The following SPTBN2 variants were observed in gnomAD, a reference collection of about 807,000 sequenced individuals.
SPTBN2 encodes the protein spectrin beta chain, non-erythrocytic 2.
SPTBN2 carries 107 observed loss-of-function variants against 284.2 expected under a neutral mutation model. The ratio of observed to expected loss-of-function variants is 0.38; its 90% CI spans 0.32 to 0.44. SPTBN2 has a LOEUF of 0.44. Ranked by LOEUF, SPTBN2 falls within the 20% of genes least tolerant of loss-of-function variation. SPTBN2 has a pLI of 1.00. For missense variants in SPTBN2, 2,569 were observed against 3,287.1 expected (o/e 0.78, Z 5.34); for synonymous variants, 1,289 against 1,354.8 (o/e 0.95, Z 1.07).
rs138346945 is a variant in SPTBN2 at position 66,690,263 on chromosome 11, G to A, written c.5586C>T (p.Asp1862=). 36 of 1,610,608 alleles carry A rather than the reference G, an allele frequency of 2.2e-5. No homozygotes were observed. Among genetic ancestry groups the A allele is most frequent in the Middle Eastern group, 1.7e-4 (1 of 5,908 alleles). ...LSPQVQQVQD[D]GHRLQKAYAG... The stretch of plus-strand genomic sequence containing the variant: ...CGTAGGCCTTCTGGAGCCGGTGGCC[G>A]TCGTCCTGCACCTGCTGGACCTGCG... The change falls in exon 28 of 38, where the codon GAC becomes GAT. Residue 1862 remains aspartate (D), a synonymous_variant. Coordinates refer to ENST00000533211, the MANE Select transcript of SPTBN2 (RefSeq NM_006946.4).
chr11:66,704,538 T>C lies in SPTBN2; in HGVS notation c.2678+60A>G. ...TTTATGGAGGGACTCACCACCCACA[T>C]CCTGGCCCCCCCACCCCCACCTCCC... On this transcript the variant is annotated intron_variant, in intron 15 of 37. Coordinates refer to ENST00000533211, the MANE Select transcript of SPTBN2 (RefSeq NM_006946.4). 3 of 1,567,346 alleles carry C rather than the reference T, an allele frequency of 1.9e-6. No homozygotes were observed. The Admixed American group carries it at 5.5e-5, about 29-fold the overall frequency.
In SPTBN2 at chr11:66,682,589, AGTT is replaced by A. The variant is rs1165354594; in HGVS notation, c.*3279_*3281del. ...TCAATATAAAAATTAAGGTATTTAAAGTTGTTGTCCTCTTCCATGCTTCATACC... is the reference window on the plus strand; with the variant it reads ...TCAATATAAAAATTAAGGTATTTAAAGTTGTCCTCTTCCATGCTTCATACC... On this transcript the variant is annotated 3_prime_UTR_variant, in exon 38 of 38. Transcript: ENST00000533211. Among the ~76,000 whole-genome samples the A allele has an allele frequency of 3.3e-5, 5 of 152,158 alleles. No individual in the cohort carries two copies. The highest frequency in any genetic ancestry group is 7.2e-5 in the African/African-American group (3 of 41,410).
In SPTBN2 at chr11:66,687,087, A is replaced by T. The variant is rs767774651; in HGVS notation, c.6803T>A (p.Val2268Glu). 1 of 1,613,890 alleles carries T rather than the reference A, an allele frequency of 6.2e-7. No individual in the cohort carries two copies. ...GACAGGCACTTCTCCGTGGTATGGC[A>T]CTCCCGCGCTGGCTGCCTTGGCATC... ...YKDAKAASAG[V>E]PYHGEVPVSL... The change falls in exon 36 of 38, where the codon GTG becomes GAG. Residue 2268 changes from valine (V) to glutamate (E), a missense_variant. Val to Glu is a moderately radical substitution (Grantham distance 121, BLOSUM62 -2). Transcript: ENST00000533211. The surrounding 1 kb of genome is among the most constrained non-coding windows in gnomAD (Gnocchi z 5.2).
intron 31 of SPTBN2, 34 bp from the exon 32 acceptor site, chr11:66,688,345 G>C: frequency 6.4e-7 from 1 of 1,555,808 alleles, no homozygotes; most frequent in Non-Finnish European, 8.7e-7. Context: ...CGTGTAGAAG[G>C]TTGCGTGTAA....
chr11:66,686,872 T>C, intron 36 of SPTBN2, 122 bp downstream of exon 36: 1 of 1,316,272 alleles, frequency 7.6e-7, no homozygotes, highest in Non-Finnish European at 1.1e-6. Flanking sequence ...CCCAAGTGGC[T>C]GGCCTGGTTA....
In SPTBN2 at chr11:66,689,930, C is replaced by T. The variant is rs1429407555; in HGVS notation, c.5824G>A (p.Ala1942Thr). Residue 1942 changes from alanine to threonine, a missense_variant, in exon 29 of 38, where the codon GCG becomes ACG. Around this residue, in one of 6 missense-constraint regions of SPTBN2, gnomAD observed 1,130 missense variants for 1,317.3 expected, o/e 0.86. Coordinates refer to ENST00000533211, the MANE Select transcript of SPTBN2 (RefSeq NM_006946.4). Reference protein sequence around the residue: ...AQERPRDVSSADLVIKNQQGI... With the variant: ...AQERPRDVSSTDLVIKNQQGI... ...TGCTGGTTCTTGATGACTAGATCCG[C>T]GGAGGACACATCCCTGGGGGGAGGC... The T allele has an allele frequency of 5.6e-6, 9 of 1,613,946 alleles. No homozygotes were observed. Among genetic ancestry groups the T allele is most frequent in the East Asian group, 4.5e-5 (2 of 44,880 alleles).
intron 1 of SPTBN2, among the ~76,000 whole-genome samples, chr11:66,726,275 A>T (rs1942619412): frequency 6.6e-6 from 1 of 152,246 alleles, no homozygotes; most frequent in Non-Finnish European, 1.5e-5. Flanking sequence ...GGTTGAGCTC[A>T]ACAGCTCAGG....
Position 66,721,249 on chromosome 11 carries a change from G to A in SPTBN2, c.-9C>T, listed in dbSNP as rs760023817. On this transcript the variant is annotated 5_prime_UTR_variant, in exon 3 of 38. Transcript: ENST00000533211. ...GACAGCGTGCTGCTCATGGTGGTAG[G>A]CGGCTTCCTGCTCCTGCAAGGAGAA... The A allele has an allele frequency of 6.2e-7, 1 of 1,614,132 alleles. No individual in the cohort carries two copies. The highest frequency in any genetic ancestry group is 1.1e-5 in the South Asian group (1 of 91,086).
Position 66,708,311 on chromosome 11 carries a change from G to C in SPTBN2, c.1192-12C>G, listed in dbSNP as rs774965267. 3 of 1,578,830 alleles carry C rather than the reference G, an allele frequency of 1.9e-6. No homozygotes were observed. The highest frequency in any genetic ancestry group is 2.6e-6 in the Non-Finnish European group (3 of 1,158,418). Reference sequence around the variant, plus strand: ...AGCCGCTCCCAAGCCTATGGGGTGGGGACAGGGTTAGTGGAAGGGACAGGG... The same window carrying C: ...AGCCGCTCCCAAGCCTATGGGGTGGCGACAGGGTTAGTGGAAGGGACAGGG... On this transcript the variant is annotated splice_polypyrimidine_tract_variant and intron_variant, in intron 11 of 37. Transcript: ENST00000533211. The surrounding 1 kb of genome is among the most constrained non-coding windows in gnomAD (Gnocchi z 4.4).
chr11:66,699,007 C>T lies in SPTBN2; in HGVS notation c.3852G>A (p.Leu1284=), dbSNP rs758955316. The change falls in exon 19 of 38, where the codon CTG becomes CTA. Residue 1284 remains leucine (L), a synonymous_variant. Transcript: ENST00000533211. Reference sequence around the variant, plus strand: ...GGAGCCTCACCTCGTGACAATCTTGCAGGAAATGCTGCTGCTCCCGGTTGT... The same window carrying T: ...GGAGCCTCACCTCGTGACAATCTTGTAGGAAATGCTGCTGCTCCCGGTTGT... ...LRDNREQQHF[L]QDCHELKLWI... 1.2e-6 allele frequency: 2 copies of T among 1,614,206 alleles called. No individual in the cohort carries two copies. The highest frequency in any genetic ancestry group is 2.2e-5 in the South Asian group (2 of 91,076).
rs147677439 is a variant in SPTBN2 at position 66,700,884 on chromosome 11, C to T, written c.3215G>A (p.Arg1072His). 5.1e-5 allele frequency: 82 copies of T among 1,600,100 alleles called. No homozygotes were observed. The highest frequency in any genetic ancestry group is 6.2e-5 in the Non-Finnish European group (73 of 1,179,826). Residue 1072 changes from arginine (R) to histidine (H), a missense_variant, in exon 17 of 38, where the codon CGC (arginine) becomes CAC (histidine). This residue lies in a region of SPTBN2 where 1,012 missense variants were observed against 1,248.9 expected (regional missense o/e 0.81). Coordinates refer to ENST00000533211, the MANE Select transcript of SPTBN2 (RefSeq NM_006946.4). This position sits in a 1 kb window ranked among gnomAD's most constrained non-coding sequence, Gnocchi z 6.6. ...GEARRLQDFL[R>H]SLDDFQAWLG... is the part of the protein sequence containing the mutation. ...CCAGGCCTGGAAGTCATCCAAGCTG[C>T]GCAAGAAGTCCTGCAGCCGCCGCGC...
chr11:66,693,989 A>G lies in SPTBN2; in HGVS notation c.4504-128T>C. ...GGGAACAGTCATCTCTGGTTCTGGG[A>G]GGCATCTCCAAGTCTCCCTATAGGG... On this transcript the variant is annotated intron_variant, in intron 22 of 37. Transcript: ENST00000533211. The surrounding 1 kb of genome is among the most constrained non-coding windows in gnomAD (Gnocchi z 5.7). 7.7e-7 allele frequency: 1 copy of G among 1,302,116 alleles called. No homozygotes were observed. Among genetic ancestry groups the G allele is most frequent in the Non-Finnish European group, 1.1e-6 (1 of 929,920 alleles). 80.7% of individuals were successfully genotyped at this position (1,302,116 alleles called of 1,614,324 possible).
Position 66,691,600 on chromosome 11 carries a change from C to T in SPTBN2, c.5249G>A (p.Arg1750His), listed in dbSNP as rs780958409. ...GGCCAGCGCATTGGCGCTATCTACG[C>T]GCTCCTGACCGATGGTGCTTGTGTC... Reference protein sequence around the residue: ...SRDTSTIGQERVDSANALANG... With the variant: ...SRDTSTIGQEHVDSANALANG... Residue 1750 changes from arginine to histidine, a missense_variant, in exon 27 of 38, where the codon CGC (arginine) becomes CAC (histidine). Around this residue, in one of 6 missense-constraint regions of SPTBN2, gnomAD observed 1,130 missense variants for 1,317.3 expected, o/e 0.86. Transcript: ENST00000533211. This position sits in a 1 kb window ranked among gnomAD's most constrained non-coding sequence, Gnocchi z 8.0. The T allele has an allele frequency of 8.7e-6, 14 of 1,613,724 alleles. No homozygotes were observed. The highest frequency in any genetic ancestry group is 6.7e-5 in the Admixed American group (4 of 60,010).
rs138782438 is a variant in SPTBN2 at position 66,707,379 on chromosome 11, T to A, written c.1653+137A>T. The A allele has an allele frequency of 3.8e-4, 349 of 910,760 alleles. No homozygotes were observed. In the African/African-American group the frequency reaches 5.3e-3, roughly 14 times the overall value. The allele number at this position is 910,760 out of a possible 1,614,324, so 56.4% of individuals were successfully genotyped here. A position where few individuals can be genotyped will look rare whatever the true frequency, so the allele number is the denominator to read the frequency against. ...GTGGACAGGGCCCTGTTTACTTTGT[T>A]CCCTGCAACTGGGGACAGGGCCCTG... On this transcript the variant is annotated intron_variant, in intron 13 of 37. Transcript: ENST00000533211. The surrounding 1 kb of genome is among the most constrained non-coding windows in gnomAD (Gnocchi z 4.9).
chr11:66,732,316 C>G (rs1186982934), upstream of SPTBN2, among the ~76,000 whole-genome samples: 1 of 152,148 alleles, frequency 6.6e-6, no homozygotes, highest in African/African-American at 2.4e-5. Flanking sequence ...ATATGGCTAA[C>G]AGGCCTGATG....
chr11:66,698,872 C>A, intron 19 of SPTBN2, 87 bp from the exon 20 acceptor site: 4 of 1,601,012 alleles, frequency 2.5e-6, no homozygotes, highest in Admixed American at 1.7e-5. Flanking sequence ...GAGAAGTGGG[C>A]GCCTTGGGAA....
Position 66,708,199 on chromosome 11 carries a change from T to G in SPTBN2, c.1292A>C (p.Asp431Ala), listed in dbSNP as rs1590955288. The change falls in exon 12 of 38, where the codon GAC (aspartate) becomes GCC (alanine). Residue 431 changes from aspartate (D) to alanine (A), a missense_variant. Asp to Ala is a moderately radical substitution (Grantham distance 126). Transcript: ENST00000533211. This position sits in a 1 kb window ranked among gnomAD's most constrained non-coding sequence, Gnocchi z 4.4. The part of the protein sequence containing the change: ...EKLEQLAARF[D>A]RKAAMRETWL... ...GGTCTCCCGCATGGCAGCCTTGCGG[T>G]CGAAGCGGGCGGCCAGCTGCTCCAG... The G allele has an allele frequency of 6.2e-7, 1 of 1,612,298 alleles. No homozygotes were observed. Among genetic ancestry groups the G allele is most frequent in the Non-Finnish European group, 8.5e-7 (1 of 1,179,384 alleles).
chr11:66,707,258 C>T lies in SPTBN2; in HGVS notation c.1653+258G>A, dbSNP rs1394052783. On this transcript the variant is annotated intron_variant, in intron 13 of 37. Coordinates refer to ENST00000533211, the MANE Select transcript of SPTBN2 (RefSeq NM_006946.4). The surrounding 1 kb of genome is among the most constrained non-coding windows in gnomAD (Gnocchi z 4.9). ...ACCAGCCCCTCACACCACCCTGTTC[C>T]AGTTTCATCAGTGGTTTTATGGCCC... 6.6e-6 allele frequency among the ~76,000 whole-genome samples: 1 copy of T among 152,252 alleles called. No homozygotes were observed.
intron 1 of SPTBN2, among the ~76,000 whole-genome samples, chr11:66,736,374 T>A (rs1942851277): frequency 6.6e-6 from 1 of 152,246 alleles, no homozygotes; most frequent in Admixed American, 6.5e-5. Context: ...CACTTATTTA[T>A]GGACGATCCC....
Sources: allele counts gnomAD v4.1 joint callset (sites outside exome capture counted in the v4.1 genomes callset), GRCh38; gene constraint gnomAD v4.1.1; regional missense constraint gnomAD v4.1.1; non-coding constraint Gnocchi (gnomAD v3.1); transcripts MANE v1.5; gene names NCBI Gene and HGNC (gene_info 2026-07-23, HGNC 2026-07-21).